CDK14: variants seen among roughly 807,000 people sequenced by gnomAD.
CDK14 encodes the protein cyclin-dependent kinase 14.
CDK14 carries 34 observed loss-of-function variants against 60.7 expected under a neutral mutation model. The observed-to-expected ratio is 0.56, with a 90% CI of 0.43 to 0.75. The LOEUF is 0.75. Ranked by LOEUF, CDK14 falls within the 30% of genes least tolerant of loss-of-function variation. The probability of loss-of-function intolerance (pLI) is 0.00; values close to 1 mark genes in which losing one functional copy is unlikely to be tolerated. For synonymous variants in CDK14, 197 were observed against 203.7 expected (o/e 0.97, Z 0.28); for missense variants, 482 against 564.1 (o/e 0.85, Z 1.47).
At chr7:90,757,209 AGTGTGTGTGTGTGTGTGTGTGT>A (rs56790315) in intron 4 of CDK14, among the ~76,000 whole-genome samples, 6 of 120,298 alleles carry the variant, frequency 5.0e-5, no homozygotes, top group African/African-American at 1.9e-4. Flanking sequence ...GCATTCTTCC[AGTGTGTGTGTGTGTGTGTGTGT>A]GTGTGTGTGT....
intron 6 of CDK14, among the ~76,000 whole-genome samples, chr7:90,867,283 C>T (rs1269098359): frequency 6.6e-6 from 1 of 152,152 alleles, no homozygotes; most frequent in Non-Finnish European, 1.5e-5. Context: ...GAATCATTGA[C>T]TCCCGAATAT....
At position 90,964,411 on chromosome 7, in the gene CDK14, G is replaced by A. The variant is rs76801472; in HGVS notation, c.947+8594G>A. Among the ~76,000 whole-genome samples the A allele has an allele frequency of 9.1e-3, 1,391 of 152,260 alleles. 17 individuals carry two copies. The highest frequency in any genetic ancestry group is 0.032 in the African/African-American group (1,319 of 41,546). ...CTTCCCTCTGCCACTTCTTAGCTGG[G>A]TGACTTTAGTTGAACAAGTTCCTTA... On this transcript the variant is annotated intron_variant, in intron 9 of 14. Coordinates refer to ENST00000380050, the MANE Select transcript of CDK14 (RefSeq NM_001287135.2).
At chr7:90,753,664 A>G (rs980683113) in intron 4 of CDK14, among the ~76,000 whole-genome samples, 7 of 152,138 alleles carry the variant, frequency 4.6e-5, no homozygotes, top group African/African-American at 1.4e-4. Flanking sequence ...AAAGAAATAA[A>G]AGGCATCCAA....
chr7:90,687,685 G>A (rs926549596), intron 2 of CDK14, among the ~76,000 whole-genome samples: 2 of 152,060 alleles, frequency 1.3e-5, no homozygotes, highest in East Asian at 3.9e-4. Context: ...GATGCTTTTG[G>A]GTAAGAGTCT....
At chr7:90,782,261 T>C (rs1312377854) in intron 4 of CDK14, among the ~76,000 whole-genome samples, 2 of 152,192 alleles carry the variant, frequency 1.3e-5, no homozygotes, top group Non-Finnish European at 2.9e-5. Flanking sequence ...TTTTGCACAT[T>C]GATTTTATAC....
At chr7:90,703,710 A>G (rs1801837175) in intron 2 of CDK14, among the ~76,000 whole-genome samples, 1 of 152,198 alleles carries the variant, frequency 6.6e-6, no homozygotes, top group Admixed American at 6.5e-5. Context: ...ACTGAGATGC[A>G]GACAAATTAT....
At chr7:90,640,010 C>G (rs1258056269) in intron 2 of CDK14, among the ~76,000 whole-genome samples, 1 of 152,136 alleles carries the variant, frequency 6.6e-6, no homozygotes, top group Non-Finnish European at 1.5e-5. Context: ...TGATTTTCCA[C>G]GTGCTGTCTG....
chr7:90,893,633 G>GA (rs1326917338), intron 6 of CDK14, among the ~76,000 whole-genome samples: 1 of 152,044 alleles, frequency 6.6e-6, no homozygotes, highest in Non-Finnish European at 1.5e-5. Flanking sequence ...AATGTATAAA[G>GA]AAAAAAGATA....
At chr7:91,045,824 T>C in intron 10 of CDK14, 73 bp from the exon 11 acceptor site, 1 of 944,892 alleles carries the variant, frequency 1.1e-6, no homozygotes. Context: ...AGTGTACTAT[T>C]TTTCTACACT....
intron 10 of CDK14, among the ~76,000 whole-genome samples, chr7:91,006,089 G>A (rs1009311974): frequency 3.9e-5 from 6 of 152,254 alleles, no homozygotes; most frequent in South Asian, 2.1e-4. Context: ...GCTGGACCCC[G>A]TAGACAGGCA....
intron 8 of CDK14, among the ~76,000 whole-genome samples, chr7:90,951,712 G>C (rs543461156): frequency 2.0e-4 from 31 of 152,302 alleles, no homozygotes; most frequent in African/African-American, 7.5e-4. Context: ...ACAGCTAAAA[G>C]AAAAGAACCT....
At chr7:90,901,130 TG>T (rs1185336531) in intron 7 of CDK14, among the ~76,000 whole-genome samples, 1 of 152,302 alleles carries the variant, frequency 6.6e-6, no homozygotes, top group East Asian at 1.9e-4. Context: ...AAGCTTTGTG[TG>T]CTTTTCTTTC....
intron 2 of CDK14, among the ~76,000 whole-genome samples, chr7:90,699,752 C>G (rs868327966): frequency 2.0e-5 from 3 of 152,128 alleles, no homozygotes; most frequent in African/African-American, 2.4e-5. Flanking sequence ...GGTGGTCCTG[C>G]CAGGGCTGCA....
chr7:90,666,838 CAT>C (rs1251739109), intron 2 of CDK14, among the ~76,000 whole-genome samples: 3 of 152,142 alleles, frequency 2.0e-5, no homozygotes, highest in Admixed American at 1.3e-4. Flanking sequence ...CTGATTGCCA[CAT>C]AGTCCAAACA....
intron 2 of CDK14, among the ~76,000 whole-genome samples, chr7:90,713,281 T>C (rs1376994775): frequency 6.6e-6 from 1 of 152,090 alleles, no homozygotes; most frequent in Non-Finnish European, 1.5e-5. Flanking sequence ...ATTTTGACAG[T>C]TCTTACACTG....
At chr7:90,893,824 A>G (rs1395567861) in intron 6 of CDK14, among the ~76,000 whole-genome samples, 6 of 152,160 alleles carry the variant, frequency 3.9e-5, no homozygotes, top group South Asian at 2.1e-4. Flanking sequence ...TCCCTCTTCC[A>G]TATGAGATTC....
At chr7:90,692,225 T>C (rs1801567767) in intron 2 of CDK14, among the ~76,000 whole-genome samples, 1 of 152,206 alleles carries the variant, frequency 6.6e-6, no homozygotes, top group South Asian at 2.1e-4. Context: ...CTTCTTTTTC[T>C]GTAAGACAAG....
At chr7:90,911,598 A>C (rs1235052841) in intron 7 of CDK14, among the ~76,000 whole-genome samples, 1 of 152,152 alleles carries the variant, frequency 6.6e-6, no homozygotes, top group East Asian at 1.9e-4. Context: ...ATTGAACCGC[A>C]TATATTAAAT....
chr7:91,082,769 A>T (rs975805052), intron 12 of CDK14, among the ~76,000 whole-genome samples: 2 of 152,216 alleles, frequency 1.3e-5, no homozygotes, highest in Non-Finnish European at 2.9e-5. Flanking sequence ...ATAAAACATA[A>T]TGTATTTAAA....
Sources: allele counts gnomAD v4.1 joint callset (sites outside exome capture counted in the v4.1 genomes callset), GRCh38; gene constraint gnomAD v4.1.1; transcripts MANE v1.5; gene names NCBI Gene and HGNC (gene_info 2026-07-23, HGNC 2026-07-21).